The following CYP20A1 variants were observed in gnomAD, a reference collection of about 807,000 sequenced individuals.
The protein encoded by CYP20A1 is cytochrome P450 20A1.
CYP20A1 carries 61 observed loss-of-function variants against 61.4 expected under a neutral mutation model. That is an observed-to-expected ratio of 0.99 (90% CI 0.81 to 1.23). CYP20A1 has a LOEUF of 1.23. Among genes scored for constraint, CYP20A1 ranks in the 50% most tolerant of loss-of-function variants. The pLI is 0.00. For synonymous variants in CYP20A1, 193 were observed against 188.2 expected, an observed-to-expected ratio of 1.03 and a Z score of -0.21; for missense variants, 530 against 542.4, an observed-to-expected ratio of 0.98 and a Z score of 0.23.
chr2:203,270,418 A>T (rs893147903), intron 5 of CYP20A1, among the ~76,000 whole-genome samples: 2 of 151,914 alleles, frequency 1.3e-5, no homozygotes, highest in Non-Finnish European at 2.9e-5. Flanking sequence ...GGCTCAGGGG[A>T]TCCTCTGACC....
intron 7 of CYP20A1, among the ~76,000 whole-genome samples, chr2:203,278,948 A>G (rs2067933120): frequency 6.6e-6 from 1 of 151,960 alleles, no homozygotes; most frequent in African/African-American, 2.4e-5. Context: ...AGCATCATAC[A>G]TGTTTTTTTG....
rs2152119713 is a variant in CYP20A1 at position 203,302,232 on chromosome 2, G to C, written c.*5324G>C. Among the ~76,000 whole-genome samples the C allele has an allele frequency of 6.6e-6, 1 of 152,220 alleles. No homozygotes were observed. Among genetic ancestry groups the C allele is most frequent in the Non-Finnish European group, 1.5e-5 (1 of 68,002 alleles). Reference sequence around the variant, plus strand: ...ATGGGGCACCATGCCCAGCCCCACTGTTAAGATTCTAATGTAGGCCGGGCA... The same window carrying C: ...ATGGGGCACCATGCCCAGCCCCACTCTTAAGATTCTAATGTAGGCCGGGCA... On this transcript the variant is annotated 3_prime_UTR_variant, in exon 13 of 13. Transcript: ENST00000356079.
intron 7 of CYP20A1, 130 bp downstream of exon 7, chr2:203,278,818 C>A: frequency 1.8e-6 from 1 of 544,764 alleles, no homozygotes; most frequent in Non-Finnish European, 3.3e-6. Context: ...AGATCAAGGC[C>A]AACTTGGGCA....
In CYP20A1 at chr2:203,292,277, G is replaced by T; in HGVS notation, c.1099G>T (p.Ala367Ser). 1 of 1,609,636 alleles carries T rather than the reference G, an allele frequency of 6.2e-7. No homozygotes were observed. The part of the protein sequence containing the change: ...IIPRETLVLY[A>S]LGVVLQDPNT... ...TTTTTCACAGACCCTCGTCCTTTAT[G>T]CCCTTGGTGTGGTACTTCAGGATCC... The change falls in exon 11 of 13, where the codon GCC (alanine) becomes TCC (serine). Residue 367 changes from alanine to serine, a missense_variant. Ala to Ser is a moderately conservative substitution (Grantham distance 99). Transcript: ENST00000356079.
intron 4 of CYP20A1, 26 bp downstream of exon 4, chr2:203,252,135 G>A: frequency 6.4e-7 from 1 of 1,567,422 alleles, no homozygotes; most frequent in Non-Finnish European, 8.7e-7. Context: ...GTTTGGTCTA[G>A]TGTTCTACAA....
At chr2:203,241,616 A>AT (rs1388336156) in intron 1 of CYP20A1, among the ~76,000 whole-genome samples, 2 of 152,226 alleles carry the variant, frequency 1.3e-5, no homozygotes, top group African/African-American at 4.8e-5. Context: ...AATGCTGCAG[A>AT]TATTTTAAGT....
intron 5 of CYP20A1, among the ~76,000 whole-genome samples, chr2:203,269,661 AT>A (rs1338561268): frequency 6.6e-6 from 1 of 151,728 alleles, no homozygotes; most frequent in Non-Finnish European, 1.5e-5. Flanking sequence ...CGCCTGGCTA[AT>A]TTTTGTACCT....
At chr2:203,270,644 CTT>C (rs368873705) in intron 5 of CYP20A1, among the ~76,000 whole-genome samples, 87 of 151,072 alleles carry the variant, frequency 5.8e-4, no homozygotes, top group African/African-American at 2.1e-3. Context: ...CAATTTAACT[CTT>C]TCATTGTGAA....
intron 8 of CYP20A1, among the ~76,000 whole-genome samples, chr2:203,285,161 T>C (rs531511807): frequency 6.6e-5 from 10 of 152,280 alleles, no homozygotes; most frequent in Admixed American, 1.3e-4. Flanking sequence ...AGAATATTGA[T>C]TTATCGATAA....
chr2:203,245,450 C>G (rs1244548938), intron 1 of CYP20A1, among the ~76,000 whole-genome samples: 1 of 151,592 alleles, frequency 6.6e-6, no homozygotes, highest in Non-Finnish European at 1.5e-5. Context: ...ATTTCATCAC[C>G]CAGGTAATTA....
chr2:203,252,606 G>A (rs2066734301), intron 4 of CYP20A1, among the ~76,000 whole-genome samples: 1 of 152,030 alleles, frequency 6.6e-6, no homozygotes, highest in Non-Finnish European at 1.5e-5. Context: ...TGTTGGCCAG[G>A]CTGGTCTCAA....
rs527728128 is a variant in CYP20A1 at position 203,299,784 on chromosome 2, G to C, written c.*2876G>C. ...AGCTACTCGGGAGGCTGAAGCAGGA[G>C]AACTGCTTGAACCTGGGAGGCAGAG... On this transcript the variant is annotated 3_prime_UTR_variant, in exon 13 of 13. Transcript: ENST00000356079. Among the ~76,000 whole-genome samples the C allele has an allele frequency of 3.3e-5, 5 of 152,162 alleles. No individual in the cohort carries two copies. In the East Asian group the frequency reaches 9.7e-4, roughly 29 times the overall value.
At chr2:203,261,225 G>T (rs1267956291) in intron 4 of CYP20A1, among the ~76,000 whole-genome samples, 1 of 151,404 alleles carries the variant, frequency 6.6e-6, no homozygotes, top group Admixed American at 6.6e-5. Flanking sequence ...AAAAAATAAA[G>T]AATTATAATA....
chr2:203,258,005 G>GCTCAAGTGCAGTGGCACAAGTAT (rs1455916330), intron 4 of CYP20A1, among the ~76,000 whole-genome samples: 4 of 151,752 alleles, frequency 2.6e-5, no homozygotes, highest in African/African-American at 4.8e-5. Flanking sequence ...GGGCTGAAGG[G>GCTCAAGTGCAGTGGCACAAGTAT]ATCCTCCTGC....
intron 11 of CYP20A1, among the ~76,000 whole-genome samples, chr2:203,294,861 T>C (rs1277130792): frequency 6.6e-6 from 1 of 151,628 alleles, no homozygotes; most frequent in African/African-American, 2.4e-5. Context: ...TCTCAATCTT[T>C]TGACCTCGTG....
intron 4 of CYP20A1, among the ~76,000 whole-genome samples, chr2:203,262,379 G>T (rs2067168489): frequency 6.6e-6 from 1 of 152,064 alleles, no homozygotes; most frequent in African/African-American, 2.4e-5. Flanking sequence ...TAACAGCGAG[G>T]CAGAAAGAAT....
In CYP20A1 at chr2:203,239,062, C is replaced by G; in HGVS notation, c.-1C>G. ...GACGTGGCTCCCTGGGCGGCAGAAC[C>G]ATGTTGGACTTCGCGATCTTCGCCG... On this transcript the variant is annotated 5_prime_UTR_variant, in exon 1 of 13. Coordinates refer to ENST00000356079, the MANE Select transcript of CYP20A1 (RefSeq NM_177538.3). The G allele has an allele frequency of 1.2e-6, 2 of 1,613,594 alleles. No homozygotes were observed. Among genetic ancestry groups the G allele is most frequent in the South Asian group, 1.1e-5 (1 of 91,072 alleles).
chr2:203,298,988 T>C lies in CYP20A1; in HGVS notation c.*2080T>C, dbSNP rs61397681. ...AGGCGGAGGTTGCAGTGAGCTGATG[T>C]TGTGCTAGTGCACTCCAGCCTGGGC... On this transcript the variant is annotated 3_prime_UTR_variant, in exon 13 of 13. Coordinates refer to ENST00000356079, the MANE Select transcript of CYP20A1 (RefSeq NM_177538.3). 0.038 allele frequency among the ~76,000 whole-genome samples: 5,745 copies of C among 152,226 alleles called. 352 individuals carry two copies. Among genetic ancestry groups the C allele is most frequent in the African/African-American group, 0.13 (5,369 of 41,526 alleles).
chr2:203,267,640 C>G (rs1039382294), intron 5 of CYP20A1, among the ~76,000 whole-genome samples: 1 of 151,758 alleles, frequency 6.6e-6, no homozygotes, highest in African/African-American at 2.4e-5. Context: ...GTCAGGAGTT[C>G]AAGACCAGAC....
Sources: gnomAD v4.1 joint callset for allele counts (sites outside exome capture counted in the v4.1 genomes callset) on GRCh38, gnomAD v4.1.1 for gene constraint, MANE v1.5 for transcripts, NCBI Gene and HGNC (gene_info 2026-07-23, HGNC 2026-07-21) for gene names.